Variants in TFB1M observed in about 807,000 individuals in gnomAD.
TFB1M encodes dimethyladenosine transferase 1, mitochondrial.
In TFB1M, 27 loss-of-function variants were observed where a neutral mutation model predicts 31.1. The observed-to-expected ratio is 0.87, with a 90% CI of 0.64 to 1.20. The LOEUF (loss-of-function observed/expected upper bound fraction) is 1.20, where lower values mean the gene tolerates loss of function less well. TFB1M is among the 50% of genes most tolerant of loss of function. The probability of loss-of-function intolerance (pLI) is 0.00; values close to 1 mark genes in which losing one functional copy is unlikely to be tolerated. For missense variants in TFB1M, 394 were observed against 418.7 expected, an observed-to-expected ratio of 0.94 and a Z score of 0.51; for synonymous variants, 166 against 151.8, an observed-to-expected ratio of 1.09 and a Z score of -0.69.
intron 5 of TFB1M, among the ~76,000 whole-genome samples, chr6:155,267,597 G>A (rs1417121330): frequency 6.6e-6 from 1 of 152,176 alleles, no homozygotes; most frequent in Non-Finnish European, 1.5e-5. Context: ...CACAGTAGGT[G>A]GTCCCAGCAG....
chr6:155,230,480 G>A, the TFB1M span, among the ~76,000 whole-genome samples: 1 of 152,082 alleles, frequency 6.6e-6, no homozygotes, highest in African/African-American at 2.4e-5. Context: ...CCCCACTTTC[G>A]GCACTGGTCA....
rs75442284 is a variant in TFB1M at position 155,287,856 on chromosome 6, T to C, written c.547-2579A>G. The stretch of plus-strand genomic sequence containing the variant: ...GTTCTTAAGAGCTCAAAGGACATTC[T>C]AACCCTCTTCTGAATGATTCAGGGG... On this transcript the variant is annotated intron_variant, in intron 4 of 6. Transcript: ENST00000367166. Among the ~76,000 whole-genome samples, 166 of 152,298 alleles carry C rather than the reference T, an allele frequency of 1.1e-3. 1 individual carries two copies. The highest frequency in any genetic ancestry group is 3.9e-3 in the African/African-American group (161 of 41,558).
chr6:155,272,128 T>A (rs1354146276), intron 5 of TFB1M, among the ~76,000 whole-genome samples: 1 of 152,210 alleles, frequency 6.6e-6, no homozygotes, highest in Admixed American at 6.5e-5. Context: ...TTCTTCACCA[T>A]AACTAACTGA....
At chr6:155,231,969 T>C in the TFB1M span, among the ~76,000 whole-genome samples, 1 of 147,538 alleles carries the variant, frequency 6.8e-6, no homozygotes, top group South Asian at 2.1e-4. Context: ...TAATCCCAGC[T>C]ACGTGGGAGG....
the TFB1M span, among the ~76,000 whole-genome samples, chr6:155,241,406 G>A: frequency 9.9e-5 from 15 of 152,142 alleles, no homozygotes; most frequent in Non-Finnish European, 1.6e-4. Flanking sequence ...GGCACGGTGC[G>A]GTGGGCTGAG....
chr6:155,299,888 C>T (rs1356597887), intron 2 of TFB1M, among the ~76,000 whole-genome samples: 1 of 152,210 alleles, frequency 6.6e-6, no homozygotes, highest in Non-Finnish European at 1.5e-5. Context: ...CTGTACTGTG[C>T]GTCTGCCTCT....
chr6:155,241,181 G>C, the TFB1M span, among the ~76,000 whole-genome samples: 1 of 152,224 alleles, frequency 6.6e-6, no homozygotes, highest in Non-Finnish European at 1.5e-5. Context: ...TGGTCAGCAC[G>C]TGGGAATATC....
the TFB1M span, chr6:155,244,153 T>A: frequency 2.2e-6 from 3 of 1,349,318 alleles, no homozygotes; most frequent in Non-Finnish European, 3.2e-6. Context: ...AGAACTCCTA[T>A]GAGAGTATCT....
intron 5 of TFB1M, among the ~76,000 whole-genome samples, chr6:155,280,249 C>A (rs1275349246): frequency 6.6e-6 from 1 of 152,110 alleles, no homozygotes; most frequent in Non-Finnish European, 1.5e-5. Context: ...CTTGGCCAAG[C>A]TCCTTCCACT....
intron 5 of TFB1M, among the ~76,000 whole-genome samples, chr6:155,261,843 C>A (rs907251506): frequency 6.6e-6 from 1 of 152,190 alleles, no homozygotes; most frequent in African/African-American, 2.4e-5. Context: ...ATGCCCACCC[C>A]CAACATCCAT....
chr6:155,277,690 G>A (rs1038699278), intron 5 of TFB1M, among the ~76,000 whole-genome samples: 6 of 152,120 alleles, frequency 3.9e-5, no homozygotes, highest in Admixed American at 1.3e-4. Context: ...TATCACAAAC[G>A]GGAATTAGGA....
rs1464261183 is a variant in TFB1M, at chr6:155,257,567, C to G, written c.*269G>C. ...GGTTTAGGGGCAAAATGTGCAGATA[C>G]TTCATTTTTGTAAGATAGATTGTAA... On this transcript the variant is annotated 3_prime_UTR_variant, in exon 7 of 7. Coordinates refer to ENST00000367166, the MANE Select transcript of TFB1M (RefSeq NM_016020.4). 3.6e-5 allele frequency: 13 copies of G among 361,760 alleles called. No homozygotes were observed. In the East Asian group the frequency reaches 7.2e-4, roughly 20 times the overall value. The allele number at this position is 361,760 out of a possible 1,614,324, so 22.4% of individuals were successfully genotyped here. A position where few individuals can be genotyped will look rare whatever the true frequency, so the allele number is the denominator to read the frequency against.
At chr6:155,238,814 CTT>C in the TFB1M span, among the ~76,000 whole-genome samples, 4 of 152,352 alleles carry the variant, frequency 2.6e-5, no homozygotes, top group Non-Finnish European at 5.9e-5. Context: ...AGTCTTACCT[CTT>C]TGTGTAGGAA....
chr6:155,287,548 C>CTGTGTG (rs1562408914), intron 4 of TFB1M, among the ~76,000 whole-genome samples: 1 of 64,702 alleles, frequency 1.5e-5, no homozygotes, highest in Non-Finnish European at 3.0e-5. Context: ...ATCATTTACT[C>CTGTGTG]TGAGTGTGTG....
the TFB1M span, chr6:155,243,923 G>A: frequency 1.1e-6 from 1 of 931,194 alleles, no homozygotes; most frequent in Non-Finnish European, 1.8e-6. Context: ...GGGAGCCTTG[G>A]GAGCTGCTGC....
At chr6:155,295,680 T>C (rs532359931) in intron 4 of TFB1M, among the ~76,000 whole-genome samples, 3 of 152,268 alleles carry the variant, frequency 2.0e-5, no homozygotes, top group East Asian at 3.9e-4. Context: ...GGGTTCCATA[T>C]CCATGGATCC....
At chr6:155,276,643 G>A (rs548277252) in intron 5 of TFB1M, 2 of 308,938 alleles carry the variant, frequency 6.5e-6, no homozygotes, top group East Asian at 5.8e-5. Flanking sequence ...CATTCATAAG[G>A]CAATTATTTG....
At chr6:155,253,593 A>G (rs1474750240), downstream of TFB1M, 2 of 178,870 alleles carry the variant, frequency 1.1e-5, no homozygotes, top group African/African-American at 4.7e-5. Context: ...TGTTTTCGAG[A>G]AAATGACCAC....
downstream of TFB1M, among the ~76,000 whole-genome samples, chr6:155,252,159 G>A (rs1255140931): frequency 6.6e-6 from 1 of 152,136 alleles, no homozygotes. Flanking sequence ...GAGCGTTTCT[G>A]AGTCTCCCCA....
Sources: gnomAD v4.1 joint callset for allele counts (sites outside exome capture counted in the v4.1 genomes callset) on GRCh38, gnomAD v4.1.1 for gene constraint, MANE v1.5 for transcripts, NCBI Gene and HGNC (gene_info 2026-07-23, HGNC 2026-07-21) for gene names.